BLOC1S3: variants seen among roughly 807,000 people sequenced by gnomAD.
The protein encoded by BLOC1S3 is biogenesis of lysosome-related organelles complex 1 subunit 3.
In BLOC1S3, 7 loss-of-function variants were observed where a neutral mutation model predicts 9.1. That is an observed-to-expected ratio of 0.77 (90% confidence interval 0.44 to 1.45). The LOEUF (loss-of-function observed/expected upper bound fraction) is 1.45. BLOC1S3 is among the 40% of genes most tolerant of loss of function. The pLI, the probability that BLOC1S3 is intolerant of heterozygous loss-of-function variation, is 0.01. For missense variants in BLOC1S3, 307 were observed against 315.2 expected, an observed-to-expected ratio of 0.97 and a Z score of 0.20; for synonymous variants, 145 against 158.4, an observed-to-expected ratio of 0.92 and a Z score of 0.64.
At position 45,211,503 on chromosome 19, in the gene BLOC1S3, TCTGA is replaced by T. The variant is rs1220101966; in HGVS notation, n.283-5168_283-5165del. On this transcript the variant is annotated intron_variant and non_coding_transcript_variant, in intron 3 of 3. Coordinates refer to the BLOC1S3 transcript ENST00000591569. The stretch of plus-strand genomic sequence containing the variant: ...TCTAGCCTGGGCGACAGAATGAGAC[TCTGA>T]CTGAAAAAAAAAAAAAAAAGAAAAT... Among the ~76,000 whole-genome samples, 15 of 144,858 alleles carry T rather than the reference TCTGA, an allele frequency of 1.0e-4. No homozygotes were observed. The South Asian group carries it at 3.0e-3, about 29-fold the overall frequency.
chr19:45,202,891 C>A (rs1344806111), intron 3 of BLOC1S3, among the ~76,000 whole-genome samples: 1 of 152,036 alleles, frequency 6.6e-6, no homozygotes. Context: ...TGGGTCCTTC[C>A]TTTCAAGGCA....
rs34965337 is a variant in BLOC1S3, at chr19:45,180,235, ATTT to A, written c.*352_*354del. 154 of 90,466 alleles carry A rather than the reference ATTT, an allele frequency of 1.7e-3. No homozygotes were observed. Among genetic ancestry groups the A allele is most frequent in the South Asian group, 6.6e-3 (21 of 3,158 alleles). The allele number at this position is 90,466 out of a possible 1,614,324, so 5.6% of individuals were successfully genotyped here. Reference sequence around the variant, plus strand: ...CTGTTTCCACCCTGGGGGCTCACCAATTTTTTTTTTTTTTTTTTTTTTTTGGAG... The same window carrying A: ...CTGTTTCCACCCTGGGGGCTCACCAATTTTTTTTTTTTTTTTTTTTTGGAG... On this transcript the variant is annotated 3_prime_UTR_variant, in exon 2 of 2. Coordinates refer to ENST00000433642, the MANE Select transcript of BLOC1S3 (RefSeq NM_212550.5).
intron 3 of BLOC1S3, among the ~76,000 whole-genome samples, chr19:45,214,195 A>G (rs2122950536): frequency 6.6e-6 from 1 of 152,282 alleles, no homozygotes; most frequent in Middle Eastern, 3.4e-3. Flanking sequence ...TCCCAAGGAC[A>G]TGACCTTATC....
rs1486249477 is a variant in BLOC1S3 at position 45,181,773 on chromosome 19, C to T, written c.*1868C>T. 3.0e-5 allele frequency: 5 copies of T among 166,984 alleles called. No homozygotes were observed. The highest frequency in any genetic ancestry group is 2.1e-4 in the South Asian group (1 of 4,828). 10.3% of individuals were successfully genotyped at this position (166,984 alleles called of 1,614,324 possible). ...GAGAATGGGGAGGAGCTTTTTATGG[C>T]GGACTGATTAAAACTCTTAAGCATT... On this transcript the variant is annotated 3_prime_UTR_variant, in exon 2 of 2. Transcript: ENST00000433642.
At chr19:45,200,950 C>A (rs997034738) in intron 2 of BLOC1S3, among the ~76,000 whole-genome samples, 40 of 152,148 alleles carry the variant, frequency 2.6e-4, no homozygotes, top group African/African-American at 9.7e-4. Context: ...GCCTGTAATC[C>A]CAGCACATTG....
downstream of BLOC1S3, among the ~76,000 whole-genome samples, chr19:45,184,810 G>T (rs112143491): frequency 1.4e-5 from 2 of 147,442 alleles, no homozygotes; most frequent in African/African-American, 5.0e-5. Context: ...TGAGGCAGGA[G>T]AATGGCGTGA....
In BLOC1S3 at chr19:45,180,235, A is replaced by AATTTTTTTTTTT. The variant is rs1555752038; in HGVS notation, c.*330_*331insATTTTTTTTTTT. 4 of 90,224 alleles carry AATTTTTTTTTTT rather than the reference A, an allele frequency of 4.4e-5. No homozygotes were observed. The highest frequency in any genetic ancestry group is 1.7e-4 in the African/African-American group (3 of 17,848). The allele number at this position is 90,224 out of a possible 1,614,324, so 5.6% of individuals were successfully genotyped here. On this transcript the variant is annotated 3_prime_UTR_variant, in exon 2 of 2. Transcript: ENST00000433642. ...CTGTTTCCACCCTGGGGGCTCACCA[A>AATTTTTTTTTTT]TTTTTTTTTTTTTTTTTTTTTTTTG...
intron 2 of BLOC1S3, among the ~76,000 whole-genome samples, chr19:45,190,590 C>T (rs900881702): frequency 3.3e-5 from 5 of 150,682 alleles, no homozygotes; most frequent in East Asian, 2.0e-4. Context: ...TTTGTAGAAA[C>T]GGGGTTTTGC....
chr19:45,204,279 T>A lies in BLOC1S3; in HGVS notation n.282+1772T>A, dbSNP rs568435715. ...TCTCGGTTTACTGCAAACCTCCGCC[T>A]CCTGGGTTCAAGCGATTCTCCTGCC... is the stretch of plus-strand genomic sequence containing the variant. On this transcript the variant is annotated intron_variant and non_coding_transcript_variant, in intron 3 of 3. Transcript: ENST00000591569. Among the ~76,000 whole-genome samples the A allele has an allele frequency of 5.8e-3, 854 of 148,142 alleles. 6 individuals are homozygous for A. Among genetic ancestry groups the A allele is most frequent in the African/African-American group, 0.021 (825 of 40,146 alleles).
chr19:45,184,817 G>A (rs781728953), downstream of BLOC1S3, among the ~76,000 whole-genome samples: 8 of 150,366 alleles, frequency 5.3e-5, no homozygotes, highest in South Asian at 1.1e-3. Flanking sequence ...GGAGAATGGC[G>A]TGAACCCGGG....
chr19:45,204,676 C>T (rs1969714715), intron 3 of BLOC1S3, among the ~76,000 whole-genome samples: 1 of 152,182 alleles, frequency 6.6e-6, no homozygotes. Context: ...CTCCATGCTG[C>T]CTCTTGCCAT....
At chr19:45,190,772 C>CTTTATTTTATTTTA (rs555214705) in intron 2 of BLOC1S3, among the ~76,000 whole-genome samples, 1 of 95,164 alleles carries the variant, frequency 1.1e-5, no homozygotes, top group African/African-American at 3.4e-5. Flanking sequence ...GTCACTGATG[C>CTTTATTTTATTTTA]TTTTATTTTA....
At chr19:45,200,731 G>C (rs1375614341) in intron 2 of BLOC1S3, among the ~76,000 whole-genome samples, 1 of 152,164 alleles carries the variant, frequency 6.6e-6, no homozygotes, top group Non-Finnish European at 1.5e-5. Flanking sequence ...GTCAATGGCT[G>C]GGCATTGATG....
At chr19:45,213,869 C>T (rs968785163) in intron 3 of BLOC1S3, among the ~76,000 whole-genome samples, 1 of 151,764 alleles carries the variant, frequency 6.6e-6, no homozygotes, top group Admixed American at 6.6e-5. Context: ...CAAGAGAATC[C>T]CTTAAACCTG....
intron 2 of BLOC1S3, among the ~76,000 whole-genome samples, chr19:45,201,906 T>C (rs918809693): frequency 9.9e-5 from 15 of 152,090 alleles, no homozygotes; most frequent in Admixed American, 2.0e-4. Flanking sequence ...TGGTTCTCAT[T>C]CTGTCTTGCC....
chr19:45,214,520 A>G (rs1969813307), intron 3 of BLOC1S3, among the ~76,000 whole-genome samples: 1 of 152,134 alleles, frequency 6.6e-6, no homozygotes, highest in African/African-American at 2.4e-5. Flanking sequence ...GCTGGAGTGC[A>G]GTGGCGCGAT....
intron 3 of BLOC1S3, among the ~76,000 whole-genome samples, chr19:45,211,078 T>C (rs1300979697): frequency 6.6e-6 from 1 of 152,166 alleles, no homozygotes; most frequent in Admixed American, 6.5e-5. Context: ...GTCATTGCAC[T>C]CCAGCCTGGG....
chr19:45,188,465 C>T (rs1364322326), intron 2 of BLOC1S3, among the ~76,000 whole-genome samples: 6 of 151,702 alleles, frequency 4.0e-5, no homozygotes, highest in Non-Finnish European at 8.8e-5. Flanking sequence ...TGAGCCACAG[C>T]GCCCGGCTTC....
At chr19:45,200,407 C>T (rs1463859061) in intron 2 of BLOC1S3, among the ~76,000 whole-genome samples, 3 of 152,128 alleles carry the variant, frequency 2.0e-5, no homozygotes. Context: ...TGGTCTTGAT[C>T]TCATGACCTC....
Sources: allele counts gnomAD v4.1 joint callset (sites outside exome capture counted in the v4.1 genomes callset), GRCh38; gene constraint gnomAD v4.1.1; transcripts MANE v1.5; gene names NCBI Gene and HGNC (gene_info 2026-07-23, HGNC 2026-07-21).